DENND1A: variants seen among roughly 807,000 people sequenced by gnomAD.
DENND1A encodes the protein DENN domain containing 1A.
In DENND1A, 51 loss-of-function variants were observed where a neutral mutation model predicts 113.7. The ratio of observed to expected loss-of-function variants is 0.45; its 90% CI spans 0.36 to 0.57. The LOEUF (loss-of-function observed/expected upper bound fraction) is 0.57. DENND1A is among the 20% of genes least tolerant of loss of function. The pLI, the probability that DENND1A is intolerant of heterozygous loss-of-function variation, is 0.00. For synonymous variants in DENND1A, 565 were observed against 570.8 expected (o/e 0.99, Z 0.14); for missense variants, 1,258 against 1,395.9 (o/e 0.90, Z 1.57).
chr9:123,537,545 T>TA (rs1014481221), intron 13 of DENND1A, among the ~76,000 whole-genome samples: 25 of 148,694 alleles, frequency 1.7e-4, no homozygotes, highest in African/African-American at 5.4e-4. Flanking sequence ...TTCCTGAAAT[T>TA]AAAAAAAAAG....
intron 2 of DENND1A, among the ~76,000 whole-genome samples, chr9:123,804,930 C>G (rs1002629706): frequency 2.6e-5 from 4 of 152,108 alleles, no homozygotes; most frequent in African/African-American, 9.7e-5. Flanking sequence ...ACAGGGCCTC[C>G]TCTACAACGT....
intron 12 of DENND1A, among the ~76,000 whole-genome samples, chr9:123,568,320 A>G (rs1365200174): frequency 6.6e-6 from 1 of 152,204 alleles, no homozygotes; most frequent in Non-Finnish European, 1.5e-5. Context: ...AAGGGGATAA[A>G]GTACCCTCCC....
rs2048202474 is a variant in DENND1A at position 123,457,365 on chromosome 9, T to C, written c.1169A>G (p.Asn390Ser). 3 of 1,614,080 alleles carry C rather than the reference T, an allele frequency of 1.9e-6. No homozygotes were observed. Among genetic ancestry groups the C allele is most frequent in the African/African-American group, 1.3e-5 (1 of 75,046 alleles). Reference protein sequence around the residue: ...GFSDVFEEEINMGEYAGSDKL... With the variant: ...GFSDVFEEEISMGEYAGSDKL... ...CTTCTCACCAGCGTACTCGCCCATG[T>C]TGATTTCCTCTTCAAAAACATCACT... Residue 390 changes from asparagine to serine, a missense_variant, in exon 15 of 24, where the codon AAC becomes AGC. Around this residue, in one of 2 missense-constraint regions of DENND1A, gnomAD observed 1,159 missense variants for 1,231.7 expected, o/e 0.94. Coordinates refer to ENST00000394215, the MANE Select transcript of DENND1A (RefSeq NM_001352964.2).
At chr9:123,587,002 C>G (rs543167874) in intron 11 of DENND1A, among the ~76,000 whole-genome samples, 13 of 151,878 alleles carry the variant, frequency 8.6e-5, no homozygotes, top group Non-Finnish European at 1.5e-4. Flanking sequence ...TCTCTTTGTT[C>G]CCAGGTGGAT....
At chr9:123,582,536 A>G (rs1824708861) in intron 12 of DENND1A, among the ~76,000 whole-genome samples, 1 of 148,180 alleles carries the variant, frequency 6.7e-6, no homozygotes, top group Non-Finnish European at 1.5e-5. Context: ...AGTAGCTGGG[A>G]CTACAGGCAC....
chr9:123,665,317 T>G (rs968847049), intron 8 of DENND1A, among the ~76,000 whole-genome samples: 4 of 152,262 alleles, frequency 2.6e-5, no homozygotes, highest in African/African-American at 9.6e-5. Context: ...GAGAGCTAAA[T>G]GAGAAAATGG....
At chr9:123,453,033 C>T (rs1057130614) in intron 16 of DENND1A, among the ~76,000 whole-genome samples, 8 of 152,160 alleles carry the variant, frequency 5.3e-5, no homozygotes, top group Non-Finnish European at 1.2e-4. Flanking sequence ...GGAAGGCCTT[C>T]CCGCTCCTAA....
At chr9:123,875,873 A>G (rs1461528789) in intron 2 of DENND1A, among the ~76,000 whole-genome samples, 2 of 152,198 alleles carry the variant, frequency 1.3e-5, no homozygotes, top group Non-Finnish European at 2.9e-5. Flanking sequence ...GGAGGGACAA[A>G]GCAGATCCTT....
intron 2 of DENND1A, among the ~76,000 whole-genome samples, chr9:123,800,923 C>T (rs774568977): frequency 1.9e-4 from 29 of 152,160 alleles, no homozygotes; most frequent in Non-Finnish European, 3.4e-4. Context: ...ATGTTCTCAT[C>T]GTGTGTTCTA....
intron 13 of DENND1A, among the ~76,000 whole-genome samples, chr9:123,514,088 G>A (rs990709654): frequency 2.2e-5 from 2 of 89,110 alleles, no homozygotes; most frequent in Admixed American, 1.4e-4. Context: ...GTGTGTGTGT[G>A]TGTGTGTGTA....
intron 8 of DENND1A, among the ~76,000 whole-genome samples, chr9:123,662,477 C>T (rs969609037): frequency 6.6e-6 from 1 of 152,112 alleles, no homozygotes; most frequent in Non-Finnish European, 1.5e-5. Context: ...ACAGGACAAT[C>T]GCTTGAGCCC....
At chr9:123,921,372 G>T (rs907828288) in intron 1 of DENND1A, among the ~76,000 whole-genome samples, 1 of 152,130 alleles carries the variant, frequency 6.6e-6, no homozygotes, top group Non-Finnish European at 1.5e-5. Flanking sequence ...AGAATGTATA[G>T]TTCTGGGAAC....
intron 9 of DENND1A, among the ~76,000 whole-genome samples, chr9:123,633,807 A>G (rs1390588655): frequency 6.6e-6 from 1 of 152,140 alleles, no homozygotes; most frequent in Non-Finnish European, 1.5e-5. Flanking sequence ...AAAATGTCTA[A>G]AACAAAAACA....
intron 19 of DENND1A, among the ~76,000 whole-genome samples, chr9:123,427,843 G>T (rs1236107993): frequency 1.3e-5 from 2 of 152,208 alleles, no homozygotes; most frequent in African/African-American, 4.8e-5. Context: ...AGTCAGTCCA[G>T]CGAGTCAATG....
At chr9:123,738,776 C>A (rs2068766351) in intron 5 of DENND1A, among the ~76,000 whole-genome samples, 1 of 152,158 alleles carries the variant, frequency 6.6e-6, no homozygotes, top group Non-Finnish European at 1.5e-5. Flanking sequence ...ACTGGGTTGC[C>A]TGGGATTTGG....
chr9:123,817,667 A>T (rs1785463308), intron 2 of DENND1A, among the ~76,000 whole-genome samples: 1 of 152,220 alleles, frequency 6.6e-6, no homozygotes, highest in South Asian at 2.1e-4. Flanking sequence ...TAGGTATTAC[A>T]TTATAAACAT....
At chr9:123,856,580 T>C (rs1844238777) in intron 2 of DENND1A, among the ~76,000 whole-genome samples, 1 of 152,028 alleles carries the variant, frequency 6.6e-6, no homozygotes, top group African/African-American at 2.4e-5. Flanking sequence ...AGGGGCCACC[T>C]GATAGGGTGT....
intron 9 of DENND1A, among the ~76,000 whole-genome samples, chr9:123,638,519 C>T (rs1037257273): frequency 2.6e-5 from 4 of 152,122 alleles, no homozygotes; most frequent in African/African-American, 7.2e-5. Flanking sequence ...CCCAGGCTGG[C>T]GTTGCAGTGG....
chr9:123,453,663 CCTAA>C (rs1276492600), intron 16 of DENND1A, among the ~76,000 whole-genome samples: 2 of 152,072 alleles, frequency 1.3e-5, no homozygotes, highest in African/African-American at 2.4e-5. Context: ...CCAGTGGGTA[CCTAA>C]GAGAATAAGA....
Sources: allele counts gnomAD v4.1 joint callset (sites outside exome capture counted in the v4.1 genomes callset), GRCh38; gene constraint gnomAD v4.1.1; regional missense constraint gnomAD v4.1.1; transcripts MANE v1.5; gene names NCBI Gene and HGNC (gene_info 2026-07-23, HGNC 2026-07-21).